SAMD12: variants seen among roughly 807,000 people sequenced by gnomAD.
The protein encoded by SAMD12 is sterile alpha motif domain containing 12.
Under a neutral mutation model 15.0 loss-of-function variants are expected in SAMD12, and 9 were observed. The observed-to-expected ratio is 0.60, with a 90% CI of 0.36 to 1.05. The LOEUF (loss-of-function observed/expected upper bound fraction) is 1.05. Among genes scored for constraint, SAMD12 ranks in the 50% least tolerant of loss-of-function variants. The pLI is 0.01. For synonymous variants in SAMD12, 86 were observed against 90.1 expected, an observed-to-expected ratio of 0.96 and a Z score of 0.25; for missense variants, 230 against 234.2, an observed-to-expected ratio of 0.98 and a Z score of 0.12.
At chr8:118,288,647 G>A (rs1369639503) in intron 4 of SAMD12, among the ~76,000 whole-genome samples, 1 of 152,138 alleles carries the variant, frequency 6.6e-6, no homozygotes, top group Non-Finnish European at 1.5e-5. Flanking sequence ...TACAAGAACA[G>A]AGCTATTTAG....
In SAMD12 at chr8:118,487,964, C is replaced by A. The variant is rs145545922; in HGVS notation, c.193-48003G>T. ...AATATAATCCATTGTTACCCCACAA[C>A]AGCGACATATTCACTGTGCAGTACA... On this transcript the variant is annotated intron_variant, in intron 2 of 3. Coordinates refer to ENST00000314727, the MANE Select transcript of SAMD12 (RefSeq NM_207506.3). Among the ~76,000 whole-genome samples the A allele has an allele frequency of 1.1e-4, 16 of 152,264 alleles. No individual in the cohort carries two copies. In the East Asian group the frequency reaches 3.1e-3, roughly 29 times the overall value.
chr8:118,139,143 G>T, the SAMD12 span, among the ~76,000 whole-genome samples: 2 of 151,810 alleles, frequency 1.3e-5, no homozygotes, highest in Non-Finnish European at 2.9e-5. Context: ...AGAAATGCTA[G>T]TCTGCATAGG....
chr8:118,321,089 TATA>T (rs1167084305), intron 4 of SAMD12, among the ~76,000 whole-genome samples: 4 of 114,366 alleles, frequency 3.5e-5, no homozygotes, highest in African/African-American at 1.3e-4. Flanking sequence ...TGAATACATA[TATA>T]ATAACATATA....
intron 4 of SAMD12, among the ~76,000 whole-genome samples, chr8:118,319,015 T>G (rs1816091808): frequency 6.6e-6 from 1 of 152,010 alleles, no homozygotes; most frequent in Non-Finnish European, 1.5e-5. Context: ...CATGAGAAAG[T>G]TAGTATGGAG....
chr8:118,308,738 A>T (rs73321952), intron 4 of SAMD12, among the ~76,000 whole-genome samples: 8,971 of 151,894 alleles, frequency 0.059, 798 homozygotes, highest in African/African-American at 0.19. Flanking sequence ...TTTCTCCATC[A>T]CAACTTAGTT....
chr8:118,534,500 G>A (rs1156495301), intron 2 of SAMD12, among the ~76,000 whole-genome samples: 3 of 152,134 alleles, frequency 2.0e-5, no homozygotes, highest in Middle Eastern at 3.2e-3. Flanking sequence ...GCCTTGCTGG[G>A]TTGGGGAAGT....
chr8:118,465,447 C>T (rs1270414825), intron 2 of SAMD12, among the ~76,000 whole-genome samples: 1 of 152,142 alleles, frequency 6.6e-6, no homozygotes, highest in African/African-American at 2.4e-5. Context: ...AGTTATTGTT[C>T]TCATTTTAAA....
chr8:118,430,426 G>A (rs1822365547), intron 3 of SAMD12, among the ~76,000 whole-genome samples: 1 of 150,868 alleles, frequency 6.6e-6, no homozygotes, highest in Admixed American at 6.6e-5. Flanking sequence ...GCAGTGGCAT[G>A]ATCTCGGCTC....
At chr8:118,452,632 C>G (rs1411737370) in intron 2 of SAMD12, among the ~76,000 whole-genome samples, 1 of 152,086 alleles carries the variant, frequency 6.6e-6, no homozygotes, top group Non-Finnish European at 1.5e-5. Context: ...AATTTTTACA[C>G]CTTTATAGTC....
chr8:118,476,261 A>G (rs537340833), intron 2 of SAMD12, among the ~76,000 whole-genome samples: 1 of 152,270 alleles, frequency 6.6e-6, no homozygotes, highest in East Asian at 1.9e-4. Flanking sequence ...CATCCCCCTC[A>G]AAGTCTAGGT....
intron 3 of SAMD12, among the ~76,000 whole-genome samples, chr8:118,399,187 T>C (rs1490803719): frequency 1.6e-5 from 2 of 128,834 alleles, no homozygotes; most frequent in Non-Finnish European, 3.3e-5. Flanking sequence ...CCAGGCCCGA[T>C]AAATTTTTTT....
intron 4 of SAMD12, among the ~76,000 whole-genome samples, chr8:118,217,430 C>T (rs1045262641): frequency 5.3e-5 from 8 of 152,168 alleles, no homozygotes; most frequent in Non-Finnish European, 8.8e-5. Flanking sequence ...AGGGATTGTG[C>T]TAGATTCTGA....
At chr8:118,280,850 C>T (rs974805998) in intron 4 of SAMD12, among the ~76,000 whole-genome samples, 4 of 152,128 alleles carry the variant, frequency 2.6e-5, no homozygotes, top group Admixed American at 6.5e-5. Flanking sequence ...TTGCAGGCTA[C>T]GTCAGCCACC....
intron 2 of SAMD12, among the ~76,000 whole-genome samples, chr8:118,473,634 T>C (rs1032052625): frequency 6.6e-6 from 1 of 152,130 alleles, no homozygotes; most frequent in Non-Finnish European, 1.5e-5. Context: ...GCCTAATCCC[T>C]CACCCTCCTC....
chr8:118,532,278 G>C (rs1029921549), intron 2 of SAMD12, among the ~76,000 whole-genome samples: 3 of 152,164 alleles, frequency 2.0e-5, no homozygotes, highest in Admixed American at 6.5e-5. Context: ...TGCATCCCAG[G>C]GATGAAGCCC....
At chr8:118,221,599 T>C (rs17507585) in intron 4 of SAMD12, among the ~76,000 whole-genome samples, 5,510 of 152,226 alleles carry the variant, frequency 0.036, 327 homozygotes, top group African/African-American at 0.12. Flanking sequence ...GGGGTTGTAG[T>C]GGCTTGCAAC....
chr8:118,377,925 T>C (rs1337849724), downstream of SAMD12: 1 of 152,208 alleles, frequency 6.6e-6, no homozygotes, highest in East Asian at 1.9e-4. Context: ...ATTATAATTG[T>C]AATATGAATT....
rs778249040 is a variant in SAMD12, at chr8:118,570,273, CA to C, written c.192+10441del. Among the ~76,000 whole-genome samples, 250 of 152,270 alleles carry C rather than the reference CA, an allele frequency of 1.6e-3. 2 individuals are homozygous for C. Among genetic ancestry groups the C allele is most frequent in the Non-Finnish European group, 2.3e-3 (155 of 68,016 alleles). ...GTTTGTTATATAGGTAAACTTGTGT[CA>C]GGGGGCTTATTGTACAGATTATTTT... On this transcript the variant is annotated intron_variant, in intron 2 of 3. Transcript: ENST00000314727.
At chr8:118,359,574 G>C (rs1818392213) in intron 4 of SAMD12, among the ~76,000 whole-genome samples, 1 of 152,162 alleles carries the variant, frequency 6.6e-6, no homozygotes, top group Non-Finnish European at 1.5e-5. Context: ...ACGTAGCATG[G>C]TATCTAAGAG....
Sources: allele counts gnomAD v4.1 joint callset (sites outside exome capture counted in the v4.1 genomes callset), GRCh38; gene constraint gnomAD v4.1.1; transcripts MANE v1.5; gene names NCBI Gene and HGNC (gene_info 2026-07-23, HGNC 2026-07-21).